Variants in IGF1 observed in about 807,000 individuals in gnomAD.
The protein encoded by IGF1 is insulin-like growth factor 1.
IGF1 carries 4 observed loss-of-function variants against 13.8 expected under a neutral mutation model. The ratio of observed to expected loss-of-function variants is 0.29; its 90% CI spans 0.14 to 0.66. The LOEUF is 0.66. Ranked by LOEUF, IGF1 falls within the 30% of genes least tolerant of loss-of-function variation. The pLI is 0.78. For missense variants in IGF1, 124 were observed against 188.5 expected (o/e 0.66, Z 2.00); for synonymous variants, 76 against 72.6 (o/e 1.05, Z -0.23).
chr12:102,481,347 CTGTGTGTGTGTGTGTGTG>C (rs3033407), upstream of IGF1, among the ~76,000 whole-genome samples: 456 of 140,374 alleles, frequency 3.2e-3, no homozygotes, highest in Non-Finnish European at 5.6e-3. Context: ...TAACTCAAAC[CTGTGTGTGTGTGTGTGTG>C]TGTGTGTGTG....
At chr12:102,433,755 G>A (rs1876953226) in intron 2 of IGF1, among the ~76,000 whole-genome samples, 1 of 152,178 alleles carries the variant, frequency 6.6e-6, no homozygotes, top group Admixed American at 6.5e-5. Context: ...GGTACAAAGA[G>A]AGAAGCAATA....
chr12:102,479,246 C>G (rs536947782), intron 1 of IGF1, among the ~76,000 whole-genome samples: 27 of 152,284 alleles, frequency 1.8e-4, no homozygotes, highest in African/African-American at 6.5e-4. Context: ...GTATCTTTAA[C>G]TCCTGGAGCC....
intron 1 of IGF1, among the ~76,000 whole-genome samples, chr12:102,477,219 C>T (rs867034953): frequency 6.0e-5 from 9 of 150,914 alleles, no homozygotes; most frequent in Non-Finnish European, 1.3e-4. Context: ...TTTTCCCCAT[C>T]ATTCTAATGA....
At chr12:102,417,708 C>T (rs1263280018) in intron 3 of IGF1, 29 of 1,537,664 alleles carry the variant, frequency 1.9e-5, no homozygotes, top group Non-Finnish European at 2.5e-5. Flanking sequence ...TCATCTAGCT[C>T]CAGCAGGCCT....
chr12:102,435,189 G>T (rs2137065773), intron 2 of IGF1, among the ~76,000 whole-genome samples: 1 of 152,312 alleles, frequency 6.6e-6, no homozygotes, highest in East Asian at 1.9e-4. Context: ...AGAGCCTTGA[G>T]CATACCATTT....
chr12:102,421,635 G>T (rs1875731191), intron 2 of IGF1, among the ~76,000 whole-genome samples: 1 of 152,188 alleles, frequency 6.6e-6, no homozygotes, highest in Non-Finnish European at 1.5e-5. Context: ...ATGTAATTGG[G>T]ATTCATTTGT....
chr12:102,422,342 A>G (rs1316534700), intron 2 of IGF1, among the ~76,000 whole-genome samples: 4 of 152,130 alleles, frequency 2.6e-5, no homozygotes, highest in Non-Finnish European at 4.4e-5. Context: ...TTCTTTGTCT[A>G]CTCATAATGT....
chr12:102,444,512 G>A (rs184201640), intron 2 of IGF1, among the ~76,000 whole-genome samples: 47 of 152,094 alleles, frequency 3.1e-4, no homozygotes, highest in African/African-American at 8.2e-4. Flanking sequence ...GTATTTACGC[G>A]TAAGTTCATT....
intron 1 of IGF1, among the ~76,000 whole-genome samples, chr12:102,477,970 AT>A (rs930578627): frequency 2.7e-5 from 4 of 148,758 alleles, no homozygotes; most frequent in South Asian, 2.1e-4. Flanking sequence ...AGAATTTAAG[AT>A]TTTTTTTAAA....
At chr12:102,456,221 GGTGTGTGTGTGT>G (rs59075811) in intron 2 of IGF1, among the ~76,000 whole-genome samples, 1,504 of 140,266 alleles carry the variant, frequency 0.011, 33 homozygotes, top group African/African-American at 0.037. Flanking sequence ...ATTTAAAAAA[GGTGTGTGTGTGT>G]GTGTGTGTGT....
At position 102,401,444 on chromosome 12, in the gene IGF1, A is replaced by T. The variant is rs573748851; in HGVS notation, c.*1063T>A. The T allele has an allele frequency of 6.5e-6, 1 of 152,750 alleles. No homozygotes were observed. Among genetic ancestry groups the T allele is most frequent in the South Asian group, 2.1e-4 (1 of 4,826 alleles). The allele number at this position is 152,750 out of a possible 1,614,324, so 9.5% of individuals were successfully genotyped here. A position where few individuals can be genotyped will look rare whatever the true frequency, so the allele number is the denominator to read the frequency against. On this transcript the variant is annotated 3_prime_UTR_variant, in exon 4 of 4. Transcript: ENST00000337514. ...CTTTTGTGTCTGAAGTTCCTCTTGG[A>T]AGGCATAACTGGGGGGACTTTGCCT...
chr12:102,464,935 A>G (rs1396790586), intron 2 of IGF1, among the ~76,000 whole-genome samples: 2 of 152,224 alleles, frequency 1.3e-5, no homozygotes, highest in Admixed American at 6.5e-5. Flanking sequence ...GATATCTCTC[A>G]GTGACTACCC....
chr12:102,418,582 A>G (rs1170152570), intron 3 of IGF1, among the ~76,000 whole-genome samples: 2 of 152,222 alleles, frequency 1.3e-5, no homozygotes, highest in Admixed American at 6.5e-5. Flanking sequence ...GAGTCCCCAA[A>G]ATACTTAAAC....
chr12:102,446,983 C>T (rs1483247954), intron 2 of IGF1, among the ~76,000 whole-genome samples: 3 of 152,032 alleles, frequency 2.0e-5, no homozygotes, highest in Admixed American at 6.6e-5. Flanking sequence ...TTGTTATTTA[C>T]CCAGTATTCA....
intron 2 of IGF1, among the ~76,000 whole-genome samples, chr12:102,427,101 A>T (rs1876273166): frequency 6.6e-6 from 1 of 152,168 alleles, no homozygotes; most frequent in African/African-American, 2.4e-5. Context: ...CCGCTTAATC[A>T]CTACTCCATC....
chr12:102,434,741 G>A (rs543159885), intron 2 of IGF1, among the ~76,000 whole-genome samples: 2 of 151,932 alleles, frequency 1.3e-5, no homozygotes, highest in African/African-American at 4.8e-5. Flanking sequence ...CACAATGGTT[G>A]AACTAGTTTA....
intron 3 of IGF1, among the ~76,000 whole-genome samples, chr12:102,410,969 G>A (rs1372765464): frequency 6.6e-6 from 1 of 152,144 alleles, no homozygotes; most frequent in East Asian, 1.9e-4. Flanking sequence ...GCTATTCCAA[G>A]GCAGAGAATG....
chr12:102,429,327 T>G (rs1342601947), intron 2 of IGF1, among the ~76,000 whole-genome samples: 1 of 152,190 alleles, frequency 6.6e-6, no homozygotes. Context: ...TGTAAATGCC[T>G]TCCTTAAATT....
At chr12:102,418,102 AC>A in intron 3 of IGF1, 1 of 1,270,740 alleles carries the variant, frequency 7.9e-7, no homozygotes, top group Non-Finnish European at 1.1e-6. Context: ...GATGCAGGAG[AC>A]AGCACTCATG....
Sources: allele counts gnomAD v4.1 joint callset (sites outside exome capture counted in the v4.1 genomes callset), GRCh38; gene constraint gnomAD v4.1.1; transcripts MANE v1.5; gene names NCBI Gene and HGNC (gene_info 2026-07-23, HGNC 2026-07-21).